Variants in SPMIP3 observed in about 807,000 individuals in gnomAD.
SPMIP3 encodes the protein sperm microtubule inner protein 3, also known as protein SPMIP3.
the SPMIP3 span, among the ~76,000 whole-genome samples, chr1:244,354,088 C>T: frequency 7.9e-5 from 12 of 152,124 alleles, no homozygotes; most frequent in Admixed American, 7.2e-4. Flanking sequence ...AGAAAGTCAA[C>T]GGATGCAACT....
chr1:244,370,546 G>A, the SPMIP3 span, among the ~76,000 whole-genome samples: 1 of 152,180 alleles, frequency 6.6e-6, no homozygotes, highest in African/African-American at 2.4e-5. Context: ...TGTATCCCTA[G>A]TGCCTAGCCC....
the SPMIP3 span, among the ~76,000 whole-genome samples, chr1:244,361,839 T>C: frequency 6.6e-6 from 1 of 152,192 alleles, no homozygotes; most frequent in Non-Finnish European, 1.5e-5. Context: ...GGGGCTGTCT[T>C]TGTTAGGAGC....
the SPMIP3 span, among the ~76,000 whole-genome samples, chr1:244,388,221 G>T: frequency 6.6e-6 from 1 of 151,976 alleles, no homozygotes; most frequent in African/African-American, 2.4e-5. Flanking sequence ...GAGCCACCAC[G>T]CCTGGCCTAT....
At chr1:244,355,895 G>C in the SPMIP3 span, among the ~76,000 whole-genome samples, 2 of 152,068 alleles carry the variant, frequency 1.3e-5, no homozygotes, top group East Asian at 3.8e-4. Flanking sequence ...TGTGTTGTTC[G>C]ATTTTCACAT....
the SPMIP3 span, among the ~76,000 whole-genome samples, chr1:244,370,770 A>T: frequency 6.6e-6 from 1 of 152,224 alleles, no homozygotes; most frequent in Non-Finnish European, 1.5e-5. Context: ...GGGTGGCAGA[A>T]TAGCGACATG....
chr1:244,372,584 C>G, the SPMIP3 span, among the ~76,000 whole-genome samples: 9 of 152,074 alleles, frequency 5.9e-5, no homozygotes, highest in African/African-American at 2.2e-4. Flanking sequence ...GCTGGGACTA[C>G]AGGTGCCCGC....
At chr1:244,358,284 G>A in the SPMIP3 span, among the ~76,000 whole-genome samples, 1 of 85,776 alleles carries the variant, frequency 1.2e-5, no homozygotes, top group Non-Finnish European at 2.8e-5. Context: ...AATATCTGCT[G>A]TGGTTTAAAT....
At chr1:244,381,516 G>A in the SPMIP3 span, among the ~76,000 whole-genome samples, 86,900 of 152,096 alleles carry the variant, frequency 0.57, 25,293 homozygotes, top group South Asian at 0.66. Flanking sequence ...CTCACCACCT[G>A]CTATGTATTG....
the SPMIP3 span, among the ~76,000 whole-genome samples, chr1:244,360,601 C>T: frequency 2.2e-3 from 329 of 150,762 alleles, no homozygotes; most frequent in African/African-American, 6.5e-3. Flanking sequence ...AGCATGAAAT[C>T]GGTCGGGCAG....
the SPMIP3 span, among the ~76,000 whole-genome samples, chr1:244,377,491 T>C: frequency 6.6e-6 from 1 of 152,184 alleles, no homozygotes; most frequent in East Asian, 1.9e-4. Flanking sequence ...AATTTCCTAT[T>C]TTTTTACATG....
At chr1:244,371,376 C>T in the SPMIP3 span, among the ~76,000 whole-genome samples, 1 of 152,202 alleles carries the variant, frequency 6.6e-6, no homozygotes, top group Admixed American at 6.5e-5. Flanking sequence ...TCACTGAGGC[C>T]GGGTAATGCA....
the SPMIP3 span, chr1:244,375,150 G>T: frequency 3.0e-6 from 1 of 336,778 alleles, no homozygotes; most frequent in Non-Finnish European, 5.4e-6. Context: ...TGTGGTGGGA[G>T]GAGGGAGGCC....
chr1:244,377,214 C>T, the SPMIP3 span, among the ~76,000 whole-genome samples: 183 of 149,822 alleles, frequency 1.2e-3, 1 homozygote, highest in Non-Finnish European at 1.5e-3. Flanking sequence ...CTCCGCCCCC[C>T]GGGTTCACGC....
At chr1:244,371,351 T>G in the SPMIP3 span, among the ~76,000 whole-genome samples, 2 of 152,218 alleles carry the variant, frequency 1.3e-5, no homozygotes, top group African/African-American at 2.4e-5. Flanking sequence ...AGTCCGCACG[T>G]GCTTTCACAA....
chr1:244,358,408 A>C, the SPMIP3 span, among the ~76,000 whole-genome samples: 5 of 152,002 alleles, frequency 3.3e-5, no homozygotes, highest in East Asian at 7.8e-4. Flanking sequence ...ACATGGAGAA[A>C]TCCTGTTCTC....
chr1:244,358,542 G>A, the SPMIP3 span, among the ~76,000 whole-genome samples: 7 of 150,526 alleles, frequency 4.7e-5, no homozygotes, highest in African/African-American at 7.3e-5. Context: ...CTGAGATTGC[G>A]CCACTGTATT....
the SPMIP3 span, among the ~76,000 whole-genome samples, chr1:244,388,210 T>C: frequency 6.6e-6 from 1 of 152,058 alleles, no homozygotes. Context: ...ATTACAGGCT[T>C]GAGCCACCAC....
chr1:244,374,286 C>CGTG, the SPMIP3 span, among the ~76,000 whole-genome samples: 2 of 152,024 alleles, frequency 1.3e-5, no homozygotes, highest in African/African-American at 4.8e-5. Context: ...CCTCCCAGTC[C>CGTG]CCACATGTTA....
chr1:244,364,167 C>T, the SPMIP3 span, among the ~76,000 whole-genome samples: 2 of 152,066 alleles, frequency 1.3e-5, no homozygotes, highest in Non-Finnish European at 2.9e-5. Context: ...CGCAGTGGCA[C>T]GATCCTGGCT....
Sources: gnomAD v4.1 joint callset for allele counts (sites outside exome capture counted in the v4.1 genomes callset) on GRCh38, gnomAD v4.1.1 for gene constraint, MANE v1.5 for transcripts, NCBI Gene and HGNC (gene_info 2026-07-23, HGNC 2026-07-21) for gene names.